Variants in THOC5 observed in about 807,000 individuals in gnomAD.
THOC5 encodes the protein THO complex subunit 5.
A neutral mutation model predicts 92.9 loss-of-function variants in THOC5; 43 were observed. The observed-to-expected ratio is 0.46, with a 90% confidence interval of 0.36 to 0.60. THOC5 has a LOEUF of 0.60. THOC5 is among the 20% of genes least tolerant of loss of function. The probability of loss-of-function intolerance (pLI) is 0.00; values close to 1 mark genes in which losing one functional copy is unlikely to be tolerated. For missense variants in THOC5, 659 were observed against 849.4 expected (o/e 0.78, Z 2.79); for synonymous variants, 296 against 320.1 (o/e 0.92, Z 0.80).
intron 12 of THOC5, among the ~76,000 whole-genome samples, chr22:29,524,241 C>T (rs1157479042): frequency 6.6e-6 from 1 of 152,166 alleles, no homozygotes; most frequent in Non-Finnish European, 1.5e-5. Context: ...GAGGCTACCC[C>T]TTAACTGTCC....
At chr22:29,538,687 C>T (rs2063810406) in intron 6 of THOC5, among the ~76,000 whole-genome samples, 1 of 149,134 alleles carries the variant, frequency 6.7e-6, no homozygotes, top group South Asian at 2.1e-4. Flanking sequence ...GTCCTGGCTA[C>T]TTGGGAGGCT....
At chr22:29,516,080 T>C (rs540872899) in intron 17 of THOC5, among the ~76,000 whole-genome samples, 3 of 151,182 alleles carry the variant, frequency 2.0e-5, no homozygotes, top group South Asian at 2.1e-4. Context: ...GAGTTCAAGA[T>C]TGCAGTGAGC....
In THOC5 at chr22:29,528,104, G is replaced by A. The variant is rs1481835776; in HGVS notation, c.1040C>T (p.Ser347Phe). Residue 347 changes from serine to phenylalanine, a missense_variant, in exon 11 of 20, where the codon TCT becomes TTT. Coordinates refer to ENST00000490103, the MANE Select transcript of THOC5 (RefSeq NM_003678.5). ...RKEMLKRHPLSVMLDLKCKDD... is the reference protein window; with the variant it reads ...RKEMLKRHPLFVMLDLKCKDD... Reference sequence around the variant, plus strand: ...TTTGCACTTCAGGTCGAGCATGACAGACAGTGGGTGCCTCTTCAGCATCTC... The same window carrying A: ...TTTGCACTTCAGGTCGAGCATGACAAACAGTGGGTGCCTCTTCAGCATCTC... 1.2e-6 allele frequency: 2 copies of A among 1,614,214 alleles called. No homozygotes were observed. The highest frequency in any genetic ancestry group is 3.3e-5 in the Admixed American group (2 of 60,020).
intron 17 of THOC5, among the ~76,000 whole-genome samples, chr22:29,513,387 C>G (rs950575006): frequency 6.7e-6 from 1 of 150,302 alleles, no homozygotes; most frequent in Non-Finnish European, 1.5e-5. Flanking sequence ...GCTTTACCTC[C>G]CCCTGTCCCC....
At chr22:29,518,558 T>A (rs2063377323) in intron 15 of THOC5, among the ~76,000 whole-genome samples, 1 of 152,146 alleles carries the variant, frequency 6.6e-6, no homozygotes, top group South Asian at 2.1e-4. Flanking sequence ...TGCGAGTTGC[T>A]CCCTGGATAG....
At chr22:29,525,305 T>C (rs2063521586) in intron 12 of THOC5, among the ~76,000 whole-genome samples, 1 of 151,894 alleles carries the variant, frequency 6.6e-6, no homozygotes, top group Non-Finnish European at 1.5e-5. Flanking sequence ...AAAAGAACAC[T>C]GTAGTCAGGG....
chr22:29,511,329 A>G, intron 18 of THOC5, 33 bp from the exon 19 acceptor site: 2 of 1,592,204 alleles, frequency 1.3e-6, no homozygotes, highest in East Asian at 2.2e-5. Flanking sequence ...TCTCAGCACT[A>G]CCTTCCTGCA....
chr22:29,533,332 T>G (rs1253069830), intron 7 of THOC5, among the ~76,000 whole-genome samples: 2 of 152,222 alleles, frequency 1.3e-5, no homozygotes, highest in Admixed American at 1.3e-4. Flanking sequence ...ACACAGAGAT[T>G]ATACACATAT....
chr22:29,523,526 C>T (rs750265132), intron 12 of THOC5, among the ~76,000 whole-genome samples: 1 of 152,126 alleles, frequency 6.6e-6, no homozygotes, highest in Admixed American at 6.5e-5. Flanking sequence ...GGTAGAAAGA[C>T]GAACACGTTT....
chr22:29,532,909 C>T (rs1276587743), intron 7 of THOC5, among the ~76,000 whole-genome samples: 2 of 150,488 alleles, frequency 1.3e-5, no homozygotes, highest in East Asian at 4.0e-4. Flanking sequence ...ACCTGGGAGA[C>T]GGAGGTTGCA....
At chr22:29,526,742 G>A (rs2063552466) in intron 11 of THOC5, among the ~76,000 whole-genome samples, 1 of 152,036 alleles carries the variant, frequency 6.6e-6, no homozygotes, top group Non-Finnish European at 1.5e-5. Context: ...TAATACAGTG[G>A]CATCAGGTAC....
chr22:29,540,253 C>G (rs2063853330), intron 5 of THOC5, among the ~76,000 whole-genome samples: 1 of 152,212 alleles, frequency 6.6e-6, no homozygotes, highest in Non-Finnish European at 1.5e-5. Flanking sequence ...GCCTGGGAGA[C>G]AGAGCGAGAC....
rs747907483 is a variant in THOC5 at position 29,549,102 on chromosome 22, T to A, written c.46A>T (p.Ser16Cys). ...TTTCCTTCAGCTGGGGCTCCATCGC[T>A]TCGGATCACTTTGGGCTTCCGTTTT... ...SKKRKPKVIR[S>C]DGAPAEGKRN... The change falls in exon 2 of 20, where the codon AGC (serine) becomes TGC (cysteine). Residue 16 changes from serine to cysteine, a missense_variant. Coordinates refer to ENST00000490103, the MANE Select transcript of THOC5 (RefSeq NM_003678.5). 6.2e-7 allele frequency: 1 copy of A among 1,614,176 alleles called. No individual in the cohort carries two copies. Among genetic ancestry groups the A allele is most frequent in the South Asian group, 1.1e-5 (1 of 91,082 alleles).
chr22:29,520,922 G>A, intron 13 of THOC5, 76 bp downstream of exon 13: 1 of 1,127,716 alleles, frequency 8.9e-7, no homozygotes, highest in South Asian at 1.2e-5. Context: ...GCCCTAACAG[G>A]TCTCCAGCAT....
At chr22:29,537,895 A>T (rs916281897) in intron 6 of THOC5, among the ~76,000 whole-genome samples, 2 of 152,230 alleles carry the variant, frequency 1.3e-5, no homozygotes, top group South Asian at 2.1e-4. Flanking sequence ...CTGTGTCAAA[A>T]AAATAAATAA....
At chr22:29,529,110 C>T in intron 9 of THOC5, 52 bp downstream of exon 9, 1 of 1,581,238 alleles carries the variant, frequency 6.3e-7, no homozygotes, top group Non-Finnish European at 8.7e-7. Flanking sequence ...CAGGACTGCC[C>T]TTGGATGGTG....
Position 29,528,081 on chromosome 22 carries a change from T to C in THOC5, c.1063A>G (p.Lys355Glu), listed in dbSNP as rs534448374. ...AACAAGGTGAGTGCAACCAGACCTT[T>C]GCACTTCAGGTCGAGCATGACAGAC... is the stretch of plus-strand genomic sequence containing the variant. Reference protein sequence around the residue: ...PLSVMLDLKCKDDSVLHLTFY... With the variant: ...PLSVMLDLKCEDDSVLHLTFY... Residue 355 changes from lysine to glutamate, a missense_variant, in exon 11 of 20, where the codon AAA becomes GAA. By Grantham distance (56) the Lys-to-Glu change is moderately conservative. Coordinates refer to ENST00000490103, the MANE Select transcript of THOC5 (RefSeq NM_003678.5). The C allele has an allele frequency of 1.2e-6, 2 of 1,614,198 alleles. No individual in the cohort carries two copies. The highest frequency in any genetic ancestry group is 2.2e-5 in the East Asian group (1 of 44,886).
chr22:29,515,822 C>A (rs1327472189), intron 17 of THOC5, among the ~76,000 whole-genome samples: 1 of 151,872 alleles, frequency 6.6e-6, no homozygotes, highest in Non-Finnish European at 1.5e-5. Flanking sequence ...CAGAGCAAGA[C>A]CCTGTCTCAA....
rs1363251075 is a variant in THOC5, at chr22:29,538,331, GGGGAATAATTTT to G, written c.599+987_599+998del. Among the ~76,000 whole-genome samples the G allele has an allele frequency of 2.0e-5, 3 of 152,188 alleles. No individual in the cohort carries two copies. The East Asian group carries it at 5.8e-4, about 29-fold the overall frequency. ...AATGGAAACAACCTAAAATCCAACA[GGGGAATAATTTT>G]GTGCATTTTTCTATACACCAGAATA... On this transcript the variant is annotated intron_variant, in intron 6 of 19. Transcript: ENST00000490103.
Sources: allele counts gnomAD v4.1 joint callset (sites outside exome capture counted in the v4.1 genomes callset), GRCh38; gene constraint gnomAD v4.1.1; transcripts MANE v1.5; gene names NCBI Gene and HGNC (gene_info 2026-07-23, HGNC 2026-07-21).